NRP2: variants seen among roughly 807,000 people sequenced by gnomAD.
NRP2 encodes neuropilin-2.
Under a neutral mutation model 110.4 loss-of-function variants are expected in NRP2, and 52 were observed. The ratio of observed to expected loss-of-function variants is 0.47; its 90% CI spans 0.38 to 0.59. The LOEUF (loss-of-function observed/expected upper bound fraction) is 0.59, where lower values mean the gene tolerates loss of function less well. NRP2 is among the 20% of genes least tolerant of loss of function. The pLI, the probability that NRP2 is intolerant of heterozygous loss-of-function variation, is 0.00. For missense variants in NRP2, 1,049 were observed against 1,203.0 expected (o/e 0.87, Z 1.89); for synonymous variants, 508 against 468.9 (o/e 1.08, Z -1.08).
rs1260217438 is a variant in NRP2 at position 205,776,724 on chromosome 2, T to G, written c.2425+9921T>G. 4 of 1,473,320 alleles carry G rather than the reference T, an allele frequency of 2.7e-6. No homozygotes were observed. The East Asian group carries it at 7.5e-5, about 27-fold the overall frequency. The allele number at this position is 1,473,320 out of a possible 1,614,324, so 91.3% of individuals were successfully genotyped here. The stretch of plus-strand genomic sequence containing the variant: ...TTTGGTTTCTGGTTTTTCTTTTTCC[T>G]TTTTGTTGATTCCAAACCAACAAAC... On this transcript the variant is annotated intron_variant, in intron 15 of 16. Coordinates refer to ENST00000357785, the MANE Select transcript of NRP2 (RefSeq NM_003872.3).
intron 10 of NRP2, among the ~76,000 whole-genome samples, chr2:205,746,706 G>A (rs941146772): frequency 5.3e-5 from 8 of 152,140 alleles, no homozygotes; most frequent in Admixed American, 2.0e-4. Flanking sequence ...GCCCTCCTCC[G>A]CCAGAGCCCC....
At chr2:205,688,913 A>G (rs1205510075) in intron 1 of NRP2, among the ~76,000 whole-genome samples, 2 of 152,176 alleles carry the variant, frequency 1.3e-5, no homozygotes, top group African/African-American at 4.8e-5. Context: ...TCAGACCTGA[A>G]CTTCCTATCC....
Position 205,769,541 on chromosome 2 carries a change from G to C in NRP2, c.2425+2738G>C, listed in dbSNP as rs199707244. ...ACACACACACACACACACACACACA[G>C]ACACATTGTGTGCCAGGATGTGAGT... On this transcript the variant is annotated intron_variant, in intron 15 of 16. Transcript: ENST00000357785. Among the ~76,000 whole-genome samples, 295 of 66,202 alleles carry C rather than the reference G, an allele frequency of 4.5e-3. 7 individuals carry two copies. The South Asian group carries it at 0.12, about 28-fold the overall frequency. 43.4% of individuals were successfully genotyped at this position (66,202 alleles called of 152,430 possible). A position where few individuals can be genotyped will look rare whatever the true frequency, so the allele number is the denominator to read the frequency against.
intron 7 of NRP2, 51 bp downstream of exon 7, chr2:205,728,097 TG>T: frequency 1.2e-6 from 2 of 1,610,758 alleles, no homozygotes; most frequent in Non-Finnish European, 1.7e-6. Context: ...GCAGGAGGGA[TG>T]GGATCAGGGG....
chr2:205,684,367 G>T (rs2056093865), intron 1 of NRP2, among the ~76,000 whole-genome samples: 1 of 152,182 alleles, frequency 6.6e-6, no homozygotes, highest in Non-Finnish European at 1.5e-5. Context: ...GGTGATTGGA[G>T]ATGGAGAAAC....
At chr2:205,694,390 C>T (rs1017845904) in intron 1 of NRP2, among the ~76,000 whole-genome samples, 2 of 152,220 alleles carry the variant, frequency 1.3e-5, no homozygotes, top group African/African-American at 4.8e-5. Context: ...TGGCTCATCC[C>T]TCAGCCTTCC....
At chr2:205,722,165 T>TCACA (rs1332297394) in intron 3 of NRP2, 4 of 337,438 alleles carry the variant, frequency 1.2e-5, no homozygotes, top group African/African-American at 9.3e-5. Flanking sequence ...TCTCTCTCTC[T>TCACA]CTCTCATACA....
rs751093993 is a variant in NRP2, at chr2:205,686,585, G to A, written c.73+3222G>A. Among the ~76,000 whole-genome samples the A allele has an allele frequency of 8.5e-5, 13 of 152,192 alleles. No individual in the cohort carries two copies. The highest frequency in any genetic ancestry group is 1.8e-4 in the Non-Finnish European group (12 of 68,032). ...CGCAGGCGTCCAGCGGCTGGGTGGC[G>A]GGCGCCGGTAGCCCTAGTGTTTGGA... is the stretch of plus-strand genomic sequence containing the variant. On this transcript the variant is annotated intron_variant, in intron 1 of 16. Coordinates refer to ENST00000357785, the MANE Select transcript of NRP2 (RefSeq NM_003872.3). This position sits in a 1 kb window ranked among gnomAD's most constrained non-coding sequence, Gnocchi z 4.7.
At position 205,684,408 on chromosome 2, in the gene NRP2, C is replaced by T. The variant is rs1199081255; in HGVS notation, c.73+1045C>T. 2.0e-5 allele frequency among the ~76,000 whole-genome samples: 3 copies of T among 152,076 alleles called. No homozygotes were observed. The East Asian group carries it at 5.8e-4, about 29-fold the overall frequency. ...ATGGAGGAAATGGGTGAAAGAAAGG[C>T]GAAAAAGCCTTCCTGAAGTGCCCTC... is the stretch of plus-strand genomic sequence containing the variant. On this transcript the variant is annotated intron_variant, in intron 1 of 16. Transcript: ENST00000357785.
rs2056182416 is a variant in NRP2, at chr2:205,686,931, G to A, written c.73+3568G>A. On this transcript the variant is annotated intron_variant, in intron 1 of 16. Coordinates refer to ENST00000357785, the MANE Select transcript of NRP2 (RefSeq NM_003872.3). This position sits in a 1 kb window ranked among gnomAD's most constrained non-coding sequence, Gnocchi z 4.7. The stretch of plus-strand genomic sequence containing the variant: ...TTTGCTAGAGTTAATCATGATCTGC[G>A]GGGGGACTGGGTTTTGCTCAGAAAA... Among the ~76,000 whole-genome samples, 1 of 152,118 alleles carries A rather than the reference G, an allele frequency of 6.6e-6. No individual in the cohort carries two copies. Among genetic ancestry groups the A allele is most frequent in the South Asian group, 2.1e-4 (1 of 4,828 alleles).
intron 15 of NRP2, among the ~76,000 whole-genome samples, chr2:205,786,211 A>T (rs547861837): frequency 1.3e-5 from 2 of 152,358 alleles, no homozygotes; most frequent in Non-Finnish European, 2.9e-5. Flanking sequence ...CCAATACTAA[A>T]TATTAAACTG....
chr2:205,777,688 A>G (rs1348781480), intron 15 of NRP2: 1 of 152,204 alleles, frequency 6.6e-6, no homozygotes, highest in East Asian at 1.9e-4. Context: ...GTTGTAAAAT[A>G]TGGGGGGAAA....
At chr2:205,707,401 G>A (rs1182622344) in intron 2 of NRP2, among the ~76,000 whole-genome samples, 1 of 152,172 alleles carries the variant, frequency 6.6e-6, no homozygotes, top group Non-Finnish European at 1.5e-5. Context: ...ACACCATGGT[G>A]TTTTTTGCAC....
chr2:205,789,747 C>A (rs1014649301), intron 15 of NRP2, among the ~76,000 whole-genome samples: 1 of 152,080 alleles, frequency 6.6e-6, no homozygotes, highest in Non-Finnish European at 1.5e-5. Flanking sequence ...ACTACAGGGA[C>A]CTAATGAGAG....
chr2:205,776,364 C>G (rs749117376), intron 15 of NRP2: 1 of 1,613,282 alleles, frequency 6.2e-7, no homozygotes, highest in Non-Finnish European at 8.5e-7. Context: ...TGGTCTCCGT[C>G]GCGCTGGCCC....
rs747190172 is a variant in NRP2 at position 205,722,681 on chromosome 2, C to A, written c.637C>A (p.Leu213Met). 6.2e-6 allele frequency: 10 copies of A among 1,614,112 alleles called. No individual in the cohort carries two copies. The East Asian group carries it at 2.2e-4, about 36-fold the overall frequency. Residue 213 changes from leucine (L) to methionine (M), a missense_variant, in exon 4 of 17, where the codon CTG becomes ATG. By Grantham distance (15) the Leu-to-Met change is conservative (BLOSUM62 2). Transcript: ENST00000357785. ...VGEGDCKYDWLDIWDGIPHVG... is the reference protein window; with the variant it reads ...VGEGDCKYDWMDIWDGIPHVG... ...AGAGGGGGACTGCAAGTACGATTGG[C>A]TGGACATCTGGGATGGCATTCCACA...
At chr2:205,705,031 A>G (rs989562748) in intron 2 of NRP2, among the ~76,000 whole-genome samples, 3 of 152,104 alleles carry the variant, frequency 2.0e-5, no homozygotes, top group Admixed American at 2.0e-4. Context: ...GGATTTGTGT[A>G]TTTTCCTGGA....
intron 3 of NRP2, among the ~76,000 whole-genome samples, chr2:205,717,625 G>A (rs10204802): frequency 0.011 from 1,671 of 152,274 alleles, 28 homozygotes; most frequent in African/African-American, 0.038. Context: ...CTCTGCCTTG[G>A]GTTTTCATGC....
chr2:205,703,903 G>C (rs2056615985), intron 2 of NRP2, among the ~76,000 whole-genome samples: 1 of 152,188 alleles, frequency 6.6e-6, no homozygotes, highest in African/African-American at 2.4e-5. Context: ...CCTTTTCCCG[G>C]TGAAGAGGTG....
Sources: gnomAD v4.1 joint callset for allele counts (sites outside exome capture counted in the v4.1 genomes callset) on GRCh38, gnomAD v4.1.1 for gene constraint, Gnocchi (gnomAD v3.1) non-coding constraint, MANE v1.5 for transcripts, NCBI Gene and HGNC (gene_info 2026-07-23, HGNC 2026-07-21) for gene names.